MAN2B2: variants seen among roughly 807,000 people sequenced by gnomAD.
MAN2B2 encodes epididymis-specific alpha-mannosidase.
A neutral mutation model predicts 117.1 loss-of-function variants in MAN2B2; 106 were observed. The observed-to-expected ratio is 0.90, with a 90% CI of 0.77 to 1.06. The LOEUF (loss-of-function observed/expected upper bound fraction) is 1.06, where lower values mean the gene tolerates loss of function less well. Among genes scored for constraint, MAN2B2 ranks in the 50% least tolerant of loss-of-function variants. MAN2B2 has a pLI of 0.00. For missense variants in MAN2B2, 1,326 were observed against 1,381.4 expected (o/e 0.96, Z 0.64); for synonymous variants, 544 against 595.1 (o/e 0.91, Z 1.25).
rs181144831 is a variant in MAN2B2 at position 6,585,242 on chromosome 4, G to C, written c.392-1754G>C. 4.6e-3 allele frequency among the ~76,000 whole-genome samples: 694 copies of C among 152,190 alleles called. 1 individual carries two copies. Among genetic ancestry groups the C allele is most frequent in the Non-Finnish European group, 5.7e-3 (388 of 68,018 alleles). ...TTGCTCATAGGTCTGACTGCTGCTC[G>C]GTCCCAGCATCCCAGGCCTCATCTG... On this transcript the variant is annotated intron_variant, in intron 3 of 18. Coordinates refer to ENST00000285599, the MANE Select transcript of MAN2B2 (RefSeq NM_015274.3).
intron 16 of MAN2B2, among the ~76,000 whole-genome samples, chr4:6,616,214 G>C (rs991695744): frequency 2.0e-5 from 3 of 152,146 alleles, no homozygotes; most frequent in South Asian, 4.1e-4. Context: ...GGTTTAGGAA[G>C]CACCTGTGTT....
intron 10 of MAN2B2, among the ~76,000 whole-genome samples, chr4:6,602,360 T>TGA (rs1727366852): frequency 6.6e-6 from 1 of 152,208 alleles, no homozygotes; most frequent in African/African-American, 2.4e-5. Flanking sequence ...CGGGTTCTGG[T>TGA]GAGGGCCTCT....
intron 11 of MAN2B2, among the ~76,000 whole-genome samples, chr4:6,605,689 A>G (rs1727517147): frequency 6.6e-6 from 1 of 151,974 alleles, no homozygotes; most frequent in Non-Finnish European, 1.5e-5. Context: ...AAATCATCTA[A>G]TCCCACCCAC....
rs1452187547 is a variant in MAN2B2 at position 6,605,078 on chromosome 4, A to G, written c.1563A>G (p.Pro521=). Residue 521 remains proline, a synonymous_variant, in exon 11 of 19, where the codon CCA becomes CCG. Transcript: ENST00000285599. ...PSQIQNSTET[P]SAYDLLILTT... ...AGATCCAGAACTCAACAGAGACCCC[A>G]TCTGCGTATGACCTGCTTATTCTGA... is the stretch of plus-strand genomic sequence containing the variant. 6.2e-7 allele frequency: 1 copy of G among 1,613,780 alleles called. No homozygotes were observed. Among genetic ancestry groups the G allele is most frequent in the South Asian group, 1.1e-5 (1 of 91,084 alleles).
intron 11 of MAN2B2, 79 bp from the exon 12 acceptor site, chr4:6,609,028 G>A: frequency 1.4e-6 from 2 of 1,391,616 alleles, no homozygotes; most frequent in Non-Finnish European, 2.0e-6. Context: ...ATGGCATCTG[G>A]AGAGAGAGGC....
At chr4:6,584,934 C>A (rs1009951287) in intron 3 of MAN2B2, among the ~76,000 whole-genome samples, 1 of 152,200 alleles carries the variant, frequency 6.6e-6, no homozygotes, top group African/African-American at 2.4e-5. Context: ...CCTGCCCCCA[C>A]CGGCTGCCCT....
intron 11 of MAN2B2, 32 bp downstream of exon 11, chr4:6,605,361 C>T (rs1223703771): frequency 6.3e-7 from 1 of 1,583,008 alleles, no homozygotes; most frequent in Non-Finnish European, 8.6e-7. Context: ...CTCTGAGGCA[C>T]AGGCATGCCT....
intron 2 of MAN2B2, among the ~76,000 whole-genome samples, chr4:6,577,244 G>A (rs1446004190): frequency 1.3e-5 from 2 of 152,176 alleles, no homozygotes; most frequent in South Asian, 2.1e-4. Context: ...CAGGGGACAC[G>A]ACTAGCCCCT....
At position 6,576,673 on chromosome 4, in the gene MAN2B2, G is replaced by T; in HGVS notation, c.234G>T (p.Glu78Asp). The change falls in exon 2 of 19, where the codon GAG becomes GAT. Residue 78 changes from glutamate to aspartate, a missense_variant. Glu to Asp is a conservative substitution (Grantham distance 45). Coordinates refer to ENST00000285599, the MANE Select transcript of MAN2B2 (RefSeq NM_015274.3). ...GCCGGTTCATCGCTGTGGAGCAGGA[G>T]TTTTTCCGGCTGTGGTGGGATGGCG... Reference protein sequence around the residue: ...QQRRFIAVEQEFFRLWWDGVA... With the variant: ...QQRRFIAVEQDFFRLWWDGVA... 6.2e-7 allele frequency: 1 copy of T among 1,614,032 alleles called. No individual in the cohort carries two copies. The highest frequency in any genetic ancestry group is 8.5e-7 in the Non-Finnish European group (1 of 1,180,006).
chr4:6,586,183 G>A (rs1021808087), intron 3 of MAN2B2, among the ~76,000 whole-genome samples: 1 of 151,956 alleles, frequency 6.6e-6, no homozygotes, highest in Admixed American at 6.6e-5. Flanking sequence ...CAAGTACCTG[G>A]GACTACAGGC....
chr4:6,585,670 T>C (rs1310651079), intron 3 of MAN2B2, among the ~76,000 whole-genome samples: 1 of 152,020 alleles, frequency 6.6e-6, no homozygotes, highest in African/African-American at 2.4e-5. Flanking sequence ...AGCTCAGGAG[T>C]GACTTAGCCA....
intron 10 of MAN2B2, 103 bp downstream of exon 10, chr4:6,600,859 C>T: frequency 7.2e-7 from 1 of 1,388,862 alleles, no homozygotes; most frequent in Non-Finnish European, 9.7e-7. Context: ...GCCTTATCAC[C>T]TTTGTTTTAC....
In MAN2B2 at chr4:6,610,044, C is replaced by T. The variant is rs779742045; in HGVS notation, c.2253C>T (p.Ile751=). The part of the protein sequence containing the change: ...RPYVSYVNNS[I]ARNYYPMVQS... ...ACGTTTCCTATGTGAACAACAGCAT[C>T]GCCCGGGTATGTCCTGCAATGCCCA... The change falls in exon 13 of 19, where the codon ATC becomes ATT. Residue 751 remains isoleucine (I), a synonymous_variant. Coordinates refer to ENST00000285599, the MANE Select transcript of MAN2B2 (RefSeq NM_015274.3). 4 of 1,614,102 alleles carry T rather than the reference C, an allele frequency of 2.5e-6. No individual in the cohort carries two copies. The highest frequency in any genetic ancestry group is 1.3e-5 in the African/African-American group (1 of 75,054).
At position 6,622,111 on chromosome 4, in the gene MAN2B2, G is replaced by C. The variant is rs1712202478; in HGVS notation, c.*826G>C. ...CTGTCCATACAATGGAATATTATTT[G>C]GCCATAAAAAGGAAGGAAATTCTGA... On this transcript the variant is annotated 3_prime_UTR_variant, in exon 19 of 19. Transcript: ENST00000285599. 1 of 152,198 alleles carries C rather than the reference G, an allele frequency of 6.6e-6. No homozygotes were observed. Among genetic ancestry groups the C allele is most frequent in the African/African-American group, 2.4e-5 (1 of 41,438 alleles). The allele number at this position is 152,198 out of a possible 1,614,324, so 9.4% of individuals were successfully genotyped here.
Position 6,587,023 on chromosome 4 carries a change from T to C in MAN2B2, c.419T>C (p.Phe140Ser), listed in dbSNP as rs201171866. ...GGACACGGGTTTCTCTATGAAACAT[T>C]TGGGATCCGGCCACAGTTCTCCTGG... Reference protein sequence around the residue: ...TEGHGFLYETFGIRPQFSWHV... With the variant: ...TEGHGFLYETSGIRPQFSWHV... Residue 140 changes from phenylalanine (F) to serine (S), a missense_variant, in exon 4 of 19, where the codon TTT becomes TCT. By Grantham distance (155) the Phe-to-Ser change is radical. Transcript: ENST00000285599. The C allele has an allele frequency of 1.6e-5, 26 of 1,613,864 alleles. 1 individual carries two copies. Among genetic ancestry groups the C allele is most frequent in the South Asian group, 6.6e-5 (6 of 91,066 alleles).
chr4:6,613,991 C>T (rs1036561573), intron 15 of MAN2B2, among the ~76,000 whole-genome samples: 6 of 152,164 alleles, frequency 3.9e-5, no homozygotes, highest in Admixed American at 6.5e-5. Context: ...TGAGGAGAGT[C>T]AGGGTCCTCC....
At chr4:6,601,737 G>T (rs1727339051) in intron 10 of MAN2B2, among the ~76,000 whole-genome samples, 1 of 152,192 alleles carries the variant, frequency 6.6e-6, no homozygotes, top group African/African-American at 2.4e-5. Context: ...CACTCAGGAA[G>T]TTCCAATGGT....
chr4:6,591,910 G>A (rs1479810158), intron 5 of MAN2B2, among the ~76,000 whole-genome samples: 4 of 152,114 alleles, frequency 2.6e-5, no homozygotes, highest in Admixed American at 2.0e-4. Context: ...ACAGACCCTC[G>A]CAGCAGCCCA....
intron 3 of MAN2B2, among the ~76,000 whole-genome samples, chr4:6,579,359 C>T (rs1194357577): frequency 8.9e-6 from 1 of 112,102 alleles, no homozygotes; most frequent in Non-Finnish European, 1.9e-5. Flanking sequence ...TCACCACCAC[C>T]ATCACCATCA....
Sources: gnomAD v4.1 joint callset for allele counts (sites outside exome capture counted in the v4.1 genomes callset) on GRCh38, gnomAD v4.1.1 for gene constraint, MANE v1.5 for transcripts, NCBI Gene and HGNC (gene_info 2026-07-23, HGNC 2026-07-21) for gene names.